The following PCGF3 variants were observed in gnomAD, a reference collection of about 807,000 sequenced individuals.
The protein encoded by PCGF3 is polycomb group ring finger 3, also known as polycomb group RING finger protein 3.
In PCGF3, 7 loss-of-function variants were observed where a neutral mutation model predicts 33.1. The ratio of observed to expected loss-of-function variants is 0.21; its 90% CI spans 0.12 to 0.40. PCGF3 has a LOEUF of 0.40. Among genes scored for constraint, PCGF3 ranks in the 10% least tolerant of loss-of-function variants. PCGF3 has a pLI of 1.00. For missense variants in PCGF3, 211 were observed against 313.3 expected (o/e 0.67, Z 2.46); for synonymous variants, 153 against 121.3 (o/e 1.26, Z -1.72).
At chr4:755,090 C>T (rs1243994429) in intron 8 of PCGF3, among the ~76,000 whole-genome samples, 1 of 152,240 alleles carries the variant, frequency 6.6e-6, no homozygotes, top group Admixed American at 6.5e-5. Flanking sequence ...GTGTAACGTA[C>T]CCGCTTGATG....
At chr4:719,959 G>A (rs900679846) in intron 1 of PCGF3, among the ~76,000 whole-genome samples, 2 of 152,204 alleles carry the variant, frequency 1.3e-5, no homozygotes, top group Admixed American at 6.5e-5. Flanking sequence ...GCTGTGGTGC[G>A]GTTCACAGCG....
intron 8 of PCGF3, among the ~76,000 whole-genome samples, chr4:754,745 G>A (rs540461254): frequency 1.2e-4 from 18 of 152,332 alleles, no homozygotes; most frequent in East Asian, 3.9e-4. Flanking sequence ...GCAGCCTGGC[G>A]TGGCTTTATC....
intron 1 of PCGF3, among the ~76,000 whole-genome samples, chr4:718,540 C>T (rs1742950797): frequency 1.3e-5 from 2 of 152,232 alleles, no homozygotes; most frequent in Non-Finnish European, 2.9e-5. Flanking sequence ...TGAGAAATGT[C>T]AGCCCAGCAG....
At chr4:767,837 G>A (rs1745447910) in exon 11 of PCGF3, 1 of 152,626 alleles carries the variant, frequency 6.6e-6, no homozygotes, top group Non-Finnish European at 1.5e-5. Context: ...GAGTAGCTGT[G>A]TATGAATAAA....
At chr4:719,027 T>A (rs1022169810) in intron 1 of PCGF3, among the ~76,000 whole-genome samples, 5 of 152,206 alleles carry the variant, frequency 3.3e-5, no homozygotes, top group Non-Finnish European at 7.3e-5. Flanking sequence ...CTATCTTGGC[T>A]CATTGCAACC....
intron 6 of PCGF3, among the ~76,000 whole-genome samples, chr4:738,915 G>C (rs1391964095): frequency 2.6e-5 from 4 of 152,088 alleles, no homozygotes; most frequent in Non-Finnish European, 5.9e-5. Flanking sequence ...GCTTAGCAGT[G>C]GGCGGGATCG....
At chr4:711,674 G>A (rs1355171744) in intron 1 of PCGF3, among the ~76,000 whole-genome samples, 5 of 150,808 alleles carry the variant, frequency 3.3e-5, no homozygotes, top group Non-Finnish European at 5.9e-5. Context: ...AGCCAGGATG[G>A]TCTCGATCTC....
At chr4:767,265 C>T (rs1477702381) in exon 11 of PCGF3, 5 of 152,234 alleles carry the variant, frequency 3.3e-5, no homozygotes, top group Non-Finnish European at 7.3e-5. Context: ...CCCTCTCCTC[C>T]CGGATGGTCA....
At chr4:752,645 TG>T (rs1744574270) in intron 8 of PCGF3, among the ~76,000 whole-genome samples, 2 of 151,646 alleles carry the variant, frequency 1.3e-5, no homozygotes, top group African/African-American at 4.9e-5. Context: ...GACTCGGGGG[TG>T]GGGGGCCATG....
chr4:750,688 G>A (rs973833581), intron 8 of PCGF3, among the ~76,000 whole-genome samples: 5 of 152,152 alleles, frequency 3.3e-5, no homozygotes, highest in African/African-American at 9.7e-5. Context: ...TGTGAACTCC[G>A]ACATCCAAGT....
chr4:740,306 AAG>A (rs1305573391), intron 6 of PCGF3, among the ~76,000 whole-genome samples: 12 of 152,248 alleles, frequency 7.9e-5, no homozygotes, highest in African/African-American at 2.9e-4. Flanking sequence ...GGCTTGCTGG[AAG>A]AGAGTTCCCT....
chr4:732,307 TCCCTCCCTA>T (rs1418965685), intron 3 of PCGF3: 5 of 150,236 alleles, frequency 3.3e-5, no homozygotes, highest in African/African-American at 7.6e-5. Context: ...TCACCTCCCT[TCCCTCCCTA>T]CCCTCCCCTC....
chr4:744,761 G>GGTCGCTGCAGTGTTAGTGCTCTCCGT, intron 8 of PCGF3, 73 bp downstream of exon 8: 1 of 359,552 alleles, frequency 2.8e-6, no homozygotes, highest in Non-Finnish European at 5.0e-6. Flanking sequence ...CGGGGCCCGG[G>GGTCGCTGCAGTGTTAGTGCTCTCCGT]GGTCGCTGCA....
chr4:734,536 G>A (rs1743751726), intron 4 of PCGF3: 8 of 1,176,650 alleles, frequency 6.8e-6, no homozygotes, highest in Non-Finnish European at 4.2e-6. Context: ...TTTATGTTAG[G>A]TTATTTTCAT....
chr4:755,314 A>AG (rs906987931), intron 8 of PCGF3, among the ~76,000 whole-genome samples: 5 of 151,690 alleles, frequency 3.3e-5, no homozygotes, highest in African/African-American at 1.2e-4. Context: ...TTCTGATTCC[A>AG]GTCTCCTGTG....
intron 1 of PCGF3, among the ~76,000 whole-genome samples, chr4:728,534 G>A (rs999953336): frequency 6.6e-6 from 1 of 152,240 alleles, no homozygotes; most frequent in Admixed American, 6.5e-5. Context: ...CTTCATGTCC[G>A]GGACTTGAGC....
At chr4:750,604 A>C (rs548738198) in intron 8 of PCGF3, among the ~76,000 whole-genome samples, 1 of 152,050 alleles carries the variant, frequency 6.6e-6, no homozygotes, top group African/African-American at 2.4e-5. Flanking sequence ...TGAAGATTAA[A>C]TGATTTCCTA....
At chr4:743,361 C>T (rs530944590) in intron 6 of PCGF3, 113 bp from the exon 7 acceptor site, 2 of 663,628 alleles carry the variant, frequency 3.0e-6, no homozygotes, top group South Asian at 1.8e-5. Context: ...TTATTAGTAG[C>T]CTTCAAACTT....
At chr4:743,265 C>T (rs889601282) in intron 6 of PCGF3, among the ~76,000 whole-genome samples, 5 of 152,206 alleles carry the variant, frequency 3.3e-5, no homozygotes, top group Non-Finnish European at 7.3e-5. Flanking sequence ...CAACGTCCCA[C>T]GTGGGTTGGT....
Sources: allele counts gnomAD v4.1 joint callset (sites outside exome capture counted in the v4.1 genomes callset), GRCh38; gene constraint gnomAD v4.1.1; transcripts MANE v1.5; gene names NCBI Gene and HGNC (gene_info 2026-07-23, HGNC 2026-07-21).